Variants in SIPA1L3 observed in about 807,000 individuals in gnomAD.
SIPA1L3 encodes the protein signal-induced proliferation-associated 1-like protein 3.
SIPA1L3 carries 59 observed loss-of-function variants against 150.1 expected under a neutral mutation model. The observed-to-expected ratio is 0.39, with a 90% CI of 0.32 to 0.49. The LOEUF (loss-of-function observed/expected upper bound fraction) is 0.49. Among genes scored for constraint, SIPA1L3 ranks in the 20% least tolerant of loss-of-function variants. The pLI is 0.86. For synonymous variants in SIPA1L3, 1,070 were observed against 1,077.6 expected, an observed-to-expected ratio of 0.99 and a Z score of 0.14; for missense variants, 2,211 against 2,489.5, an observed-to-expected ratio of 0.89 and a Z score of 2.38.
At chr19:37,939,757 A>G (rs1333667945) in intron 1 of SIPA1L3, among the ~76,000 whole-genome samples, 1 of 152,242 alleles carries the variant, frequency 6.6e-6, no homozygotes, top group Non-Finnish European at 1.5e-5. Context: ...ATGTAGTTTT[A>G]TTTCCCATGG....
In SIPA1L3 at chr19:38,082,127, C is replaced by T; in HGVS notation, c.562C>T (p.Arg188Trp). 2.5e-6 allele frequency: 4 copies of T among 1,606,402 alleles called. No individual in the cohort carries two copies. Among genetic ancestry groups the T allele is most frequent in the Non-Finnish European group, 2.5e-6 (3 of 1,179,032 alleles). ...TGACGCGGAGGACGCGGGGGAGCCG[C>T]GGGGGGCCCGGCACACGGGGGCGCT... ...ECDAEDAGEP[R>W]GARHTGALPL... is the part of the protein sequence containing the mutation. The change falls in exon 3 of 22, where the codon CGG becomes TGG. Residue 188 changes from arginine (R) to tryptophan (W), a missense_variant. Coordinates refer to ENST00000222345, the MANE Select transcript of SIPA1L3 (RefSeq NM_015073.3).
intron 4 of SIPA1L3, among the ~76,000 whole-genome samples, chr19:38,093,775 AGATGG>A (rs1970316681): frequency 6.6e-6 from 1 of 152,118 alleles, no homozygotes. Flanking sequence ...ATCTCCCAGC[AGATGG>A]GATATGAGCA....
chr19:37,909,513 A>ACAAG (rs781613091), intron 1 of SIPA1L3, among the ~76,000 whole-genome samples: 10 of 152,108 alleles, frequency 6.6e-5, no homozygotes. Flanking sequence ...CCTGGCTGTG[A>ACAAG]CAAGGTTAAG....
chr19:37,982,291 C>T (rs1849802039), intron 1 of SIPA1L3, among the ~76,000 whole-genome samples: 1 of 152,176 alleles, frequency 6.6e-6, no homozygotes, highest in African/African-American at 2.4e-5. Flanking sequence ...GCCTGGTGGA[C>T]ACTCCATTGG....
chr19:38,132,649 C>CT (rs369240780), intron 10 of SIPA1L3, among the ~76,000 whole-genome samples: 3,996 of 142,366 alleles, frequency 0.028, 165 homozygotes, highest in African/African-American at 0.091. Flanking sequence ...TCTTGAGGCT[C>CT]TTTTTTTTTT....
rs1177296927 is a variant in SIPA1L3 at position 38,119,551 on chromosome 19, T to C, written c.2537T>C (p.Leu846Pro). ...ATCGACTCCACCGGCAAATTCAACC[T>C]CATCTCCCTGACCTCCAAGAAGAAG... ...TPIDSTGKFN[L>P]ISLTSKKKEK... is the part of the protein sequence containing the mutation. The change falls in exon 9 of 22, where the codon CTC becomes CCC. Residue 846 changes from leucine to proline, a missense_variant. By Grantham distance (98) the Leu-to-Pro change is moderately conservative (BLOSUM62 -3). This residue lies in a region of SIPA1L3 where 625 missense variants were observed against 804.2 expected (regional missense o/e 0.78). Transcript: ENST00000222345. The C allele has an allele frequency of 6.2e-7, 1 of 1,613,934 alleles. No individual in the cohort carries two copies. The highest frequency in any genetic ancestry group is 1.3e-5 in the African/African-American group (1 of 74,868).
intron 12 of SIPA1L3, among the ~76,000 whole-genome samples, chr19:38,152,144 A>G (rs1971838586): frequency 6.6e-6 from 1 of 152,070 alleles, no homozygotes; most frequent in Admixed American, 6.6e-5. Flanking sequence ...TGAGGTAGAA[A>G]ATGTTACCTC....
chr19:37,974,561 CAG>C (rs1294447821), intron 1 of SIPA1L3, among the ~76,000 whole-genome samples: 3 of 151,020 alleles, frequency 2.0e-5, no homozygotes, highest in Non-Finnish European at 2.9e-5. Context: ...GGGGTTTGAA[CAG>C]AGAGTCTGGT....
chr19:38,174,678 C>T (rs1049861095), intron 15 of SIPA1L3, among the ~76,000 whole-genome samples: 11 of 152,044 alleles, frequency 7.2e-5, no homozygotes, highest in Admixed American at 1.3e-4. Context: ...GATGAAACCC[C>T]GCCTCTACTA....
chr19:38,071,219 A>G (rs1969711009), intron 2 of SIPA1L3, among the ~76,000 whole-genome samples: 1 of 149,406 alleles, frequency 6.7e-6, no homozygotes, highest in African/African-American at 2.5e-5. Context: ...CTATCTATCT[A>G]TCTATCTATC....
chr19:38,174,457 A>G (rs908916498), intron 15 of SIPA1L3, among the ~76,000 whole-genome samples: 1 of 152,048 alleles, frequency 6.6e-6, no homozygotes, highest in Non-Finnish European at 1.5e-5. Flanking sequence ...CTGACTGCCT[A>G]TGTCTACATC....
chr19:38,146,879 C>T (rs911664682), intron 12 of SIPA1L3, among the ~76,000 whole-genome samples: 2 of 152,002 alleles, frequency 1.3e-5, no homozygotes, highest in African/African-American at 2.4e-5. Flanking sequence ...AGTGCCTGTG[C>T]GTGTCTTTTG....
intron 16 of SIPA1L3, among the ~76,000 whole-genome samples, chr19:38,187,499 C>T (rs1036511781): frequency 8.6e-5 from 13 of 150,956 alleles, no homozygotes; most frequent in Non-Finnish European, 1.0e-4. Context: ...GGGTGGATCA[C>T]GAGGTCAGGA....
chr19:38,166,045 G>A (rs894816822), intron 15 of SIPA1L3, among the ~76,000 whole-genome samples: 5 of 152,132 alleles, frequency 3.3e-5, no homozygotes, highest in African/African-American at 9.7e-5. Context: ...TCACAGGTGT[G>A]AGCCACCATG....
At chr19:38,104,575 T>G (rs530265588) in intron 6 of SIPA1L3, among the ~76,000 whole-genome samples, 12 of 152,200 alleles carry the variant, frequency 7.9e-5, no homozygotes, top group Non-Finnish European at 1.5e-4. Flanking sequence ...TTGGTTTTTT[T>G]GTTTTTTTGT....
intron 1 of SIPA1L3, among the ~76,000 whole-genome samples, chr19:37,977,430 A>T (rs1967101804): frequency 6.6e-6 from 1 of 152,196 alleles, no homozygotes. Flanking sequence ...TTGGCCTCCC[A>T]AAGTGCTGGG....
At chr19:38,077,009 A>AG (rs2145811370) in intron 2 of SIPA1L3, among the ~76,000 whole-genome samples, 1 of 152,354 alleles carries the variant, frequency 6.6e-6, no homozygotes, top group South Asian at 2.1e-4. Flanking sequence ...AAAAGGAAGA[A>AG]GGAGGATCTC....
intron 12 of SIPA1L3, among the ~76,000 whole-genome samples, chr19:38,146,631 G>T (rs1003400825): frequency 6.6e-6 from 1 of 152,122 alleles, no homozygotes; most frequent in African/African-American, 2.4e-5. Context: ...GTTTGAAAAG[G>T]AACTGCCAAA....
At chr19:38,175,652 G>A (rs535051613) in intron 15 of SIPA1L3, among the ~76,000 whole-genome samples, 44 of 152,256 alleles carry the variant, frequency 2.9e-4, no homozygotes, top group African/African-American at 9.1e-4. Context: ...CTGCAGCTCC[G>A]CGGTTCCTCC....
Sources: allele counts gnomAD v4.1 joint callset (sites outside exome capture counted in the v4.1 genomes callset), GRCh38; gene constraint gnomAD v4.1.1; regional missense constraint gnomAD v4.1.1; transcripts MANE v1.5; gene names NCBI Gene and HGNC (gene_info 2026-07-23, HGNC 2026-07-21).